The following TAF5L variants were observed in gnomAD, a reference collection of about 807,000 sequenced individuals.
TAF5L encodes TATA-box binding protein associated factor 5 like, also known as TAF5-like RNA polymerase II p300/CBP-associated factor-associated factor 65 kDa subunit 5L.
Under a neutral mutation model 51.3 loss-of-function variants are expected in TAF5L, and 7 were observed. The ratio of observed to expected loss-of-function variants is 0.14; its 90% CI spans 0.08 to 0.26. The LOEUF (loss-of-function observed/expected upper bound fraction) is 0.26, where lower values mean the gene tolerates loss of function less well. Ranked by LOEUF, TAF5L falls within the 10% of genes least tolerant of loss-of-function variation. TAF5L has a pLI of 1.00. For synonymous variants in TAF5L, 291 were observed against 308.1 expected (o/e 0.94, Z 0.58); for missense variants, 575 against 758.9 (o/e 0.76, Z 2.85).
Position 229,602,106 on chromosome 1 carries a change from A to G in TAF5L, c.972+89T>C. On this transcript the variant is annotated intron_variant, in intron 4 of 4. Transcript: ENST00000258281. This position sits in a 1 kb window ranked among gnomAD's most constrained non-coding sequence, Gnocchi z 4.6. ...AGCTATATGATGAGGGAAACTAGGA[A>G]GTCCATTCTAAGATATGTCGTGTTT... 2 of 1,531,408 alleles carry G rather than the reference A, an allele frequency of 1.3e-6. No individual in the cohort carries two copies. Among genetic ancestry groups the G allele is most frequent in the Non-Finnish European group, 8.8e-7 (1 of 1,140,660 alleles). The allele number at this position is 1,531,408 out of a possible 1,614,324, so 94.9% of individuals were successfully genotyped here. A position where few individuals can be genotyped will look rare whatever the true frequency, so the allele number is the denominator to read the frequency against.
At chr1:229,617,173 C>T (rs957219840) in intron 1 of TAF5L, among the ~76,000 whole-genome samples, 1 of 152,148 alleles carries the variant, frequency 6.6e-6, no homozygotes, top group Non-Finnish European at 1.5e-5. Context: ...ATCAGCACTG[C>T]TCTATCAGTG....
At chr1:229,604,173 A>AT (rs4006085) in intron 3 of TAF5L, among the ~76,000 whole-genome samples, 22,080 of 144,862 alleles carry the variant, frequency 0.15, 1,730 homozygotes, top group East Asian at 0.23. Flanking sequence ...TTCTGGTAGC[A>AT]TTTTTTTTTT....
At chr1:229,613,027 A>G (rs954646239) in intron 2 of TAF5L, among the ~76,000 whole-genome samples, 8 of 152,096 alleles carry the variant, frequency 5.3e-5, no homozygotes, top group Non-Finnish European at 1.2e-4. Flanking sequence ...AAGTTCAGTA[A>G]AAGAAAGTCC....
intron 3 of TAF5L, among the ~76,000 whole-genome samples, chr1:229,608,257 A>G (rs1294850743): frequency 6.6e-6 from 1 of 152,214 alleles, no homozygotes; most frequent in Non-Finnish European, 1.5e-5. Context: ...AAGGGTTACA[A>G]AATAAAACCC....
intron 4 of TAF5L, among the ~76,000 whole-genome samples, chr1:229,596,621 G>A (rs1413568260): frequency 6.6e-6 from 1 of 152,268 alleles, no homozygotes; most frequent in East Asian, 1.9e-4. Context: ...GCAACTAATG[G>A]TACTCAGAAA....
In TAF5L at chr1:229,595,735, G is replaced by A. The variant is rs185978923; in HGVS notation, c.973-641C>T. Among the ~76,000 whole-genome samples the A allele has an allele frequency of 1.5e-4, 22 of 151,572 alleles. No individual in the cohort carries two copies. In the East Asian group the frequency reaches 3.5e-3, roughly 24 times the overall value. The stretch of plus-strand genomic sequence containing the variant: ...GGCTGGAGTGCAATGGTGTGATCTC[G>A]GCTCACCACAACCTCCGACTCCTGG... On this transcript the variant is annotated intron_variant, in intron 4 of 4. Coordinates refer to ENST00000258281, the Ensembl canonical transcript of TAF5L.
chr1:229,619,316 A>G (rs746987439), intron 1 of TAF5L, among the ~76,000 whole-genome samples: 11 of 152,248 alleles, frequency 7.2e-5, no homozygotes, highest in Non-Finnish European at 1.2e-4. Context: ...AAAAATTATG[A>G]TAGCCTTTCA....
At chr1:229,623,001 G>A (rs2102768924) in intron 1 of TAF5L, among the ~76,000 whole-genome samples, 1 of 152,318 alleles carries the variant, frequency 6.6e-6, no homozygotes, top group Admixed American at 6.5e-5. Context: ...CTGCCGCCGG[G>A]CACGGTGGCT....
In TAF5L at chr1:229,602,529, C is replaced by T. The variant is rs764208056; in HGVS notation, c.638G>A (p.Gly213Asp). 1.2e-6 allele frequency: 2 copies of T among 1,614,156 alleles called. No individual in the cohort carries two copies. The highest frequency in any genetic ancestry group is 3.3e-5 in the Admixed American group (2 of 60,010). The change falls in exon 4 of 5, where the codon GGC becomes GAC. Residue 213 changes from glycine (G) to aspartate (D), a missense_variant. By Grantham distance (94) the Gly-to-Asp change is moderately conservative (BLOSUM62 -1). Around this residue, in one of 3 missense-constraint regions of TAF5L, gnomAD observed 380 missense variants for 443.7 expected, o/e 0.86. Coordinates refer to ENST00000258281, the Ensembl canonical transcript of TAF5L. The surrounding 1 kb of genome is among the most constrained non-coding windows in gnomAD (Gnocchi z 4.6). ...GTTGTTCTCACTGCGGGAGGAGCTGCCACTGGCATACAGCTGATAGTCTGT... is the reference window on the plus strand; with the variant it reads ...GTTGTTCTCACTGCGGGAGGAGCTGTCACTGGCATACAGCTGATAGTCTGT...
intron 1 of TAF5L, among the ~76,000 whole-genome samples, chr1:229,621,130 T>A (rs1026301695): frequency 1.3e-5 from 2 of 152,234 alleles, no homozygotes; most frequent in Non-Finnish European, 2.9e-5. Context: ...AATGAAAATA[T>A]GACTAGTGCA....
intron 2 of TAF5L, among the ~76,000 whole-genome samples, chr1:229,612,534 T>C (rs1664824792): frequency 1.3e-5 from 2 of 152,346 alleles, no homozygotes; most frequent in South Asian, 4.1e-4. Context: ...CATCTGGCCC[T>C]GTTTTGGTCA....
At chr1:229,606,145 A>G in intron 3 of TAF5L, 1 of 985,442 alleles carries the variant, frequency 1.0e-6, no homozygotes, top group Non-Finnish European at 1.2e-6. Context: ...TTCAGCTCAT[A>G]GGTTCAAAAT....
chr1:229,599,286 T>A (rs1664271346), intron 4 of TAF5L: 5 of 736,612 alleles, frequency 6.8e-6, no homozygotes, highest in Non-Finnish European at 8.3e-6. Context: ...TTTTTTTTTT[T>A]AAACTGAGAT....
chr1:229,599,683 T>C lies in TAF5L; in HGVS notation c.972+2512A>G, dbSNP rs549587960. On this transcript the variant is annotated intron_variant, in intron 4 of 4. Transcript: ENST00000258281. Reference sequence around the variant, plus strand: ...ACTACATTTTATTTATTCATTCATCTTGATGGCCATTTGGACTGTTTCCAC... The same window carrying C: ...ACTACATTTTATTTATTCATTCATCCTGATGGCCATTTGGACTGTTTCCAC... 309 of 340,090 alleles carry C rather than the reference T, an allele frequency of 9.1e-4. 1 individual carries two copies. Among genetic ancestry groups the C allele is most frequent in the Non-Finnish European group, 1.1e-3 (275 of 240,174 alleles). The allele number at this position is 340,090 out of a possible 1,614,324, so 21.1% of individuals were successfully genotyped here.
chr1:229,593,310 GAGC>G (rs1663987890), exon 5 of TAF5L: 1 of 152,146 alleles, frequency 6.6e-6, no homozygotes, highest in Non-Finnish European at 1.5e-5. Flanking sequence ...CAGGACGTGG[GAGC>G]AGTTCATTGC....
intron 1 of TAF5L, among the ~76,000 whole-genome samples, chr1:229,624,402 C>T (rs1445053138): frequency 6.6e-6 from 1 of 152,182 alleles, no homozygotes; most frequent in East Asian, 1.9e-4. Flanking sequence ...GCATATATTC[C>T]ATTTAACGCA....
rs1345752814 is a variant in TAF5L, at chr1:229,614,491, A to G, written c.-3-6T>C. 3.1e-6 allele frequency: 5 copies of G among 1,613,818 alleles called. No individual in the cohort carries two copies. In the African/African-American group the frequency reaches 6.7e-5, roughly 22 times the overall value. ...GTACGCACTCGTTTCATGACCTTCA[A>G]GGGAGGCAACGACAGGATACAGAGA... On this transcript the variant is annotated splice_polypyrimidine_tract_variant and splice_region_variant and intron_variant, in intron 1 of 4. Coordinates refer to ENST00000258281, the Ensembl canonical transcript of TAF5L.
exon 3 of TAF5L, chr1:229,610,197 A>G (rs1244146376): frequency 1.9e-6 from 3 of 1,614,176 alleles, no homozygotes; most frequent in African/African-American, 1.3e-5. Context: ...TGGCACAACC[A>G]GATTCTGATT....
rs755691299 is a variant in TAF5L at position 229,602,572 on chromosome 1, C to A, written c.595G>T (p.Val199Leu). Reference sequence around the variant, plus strand: ...TAGTCTGTTCTCTTGGCAGGCTGCACGTCAAGATGAATATGTAAGGTGAGG... The same window carrying A: ...TAGTCTGTTCTCTTGGCAGGCTGCAAGTCAAGATGAATATGTAAGGTGAGG... Residue 199 changes from valine to leucine, a missense_variant, in exon 4 of 5, where the codon GTG becomes TTG. By Grantham distance (32) the Val-to-Leu change is conservative. Around this residue, in one of 3 missense-constraint regions of TAF5L, gnomAD observed 380 missense variants for 443.7 expected, o/e 0.86. Transcript: ENST00000258281. This position sits in a 1 kb window ranked among gnomAD's most constrained non-coding sequence, Gnocchi z 4.6. The A allele has an allele frequency of 1.2e-5, 20 of 1,614,004 alleles. No individual in the cohort carries two copies. Among genetic ancestry groups the A allele is most frequent in the Non-Finnish European group, 1.6e-5 (19 of 1,180,046 alleles).
Sources: gnomAD v4.1 joint callset for allele counts (sites outside exome capture counted in the v4.1 genomes callset) on GRCh38, gnomAD v4.1.1 for gene constraint, gnomAD v4.1.1 regional missense constraint, Gnocchi (gnomAD v3.1) non-coding constraint, MANE v1.5 for transcripts, NCBI Gene and HGNC (gene_info 2026-07-23, HGNC 2026-07-21) for gene names.